Variants in RASGEF1A observed in about 807,000 individuals in gnomAD.
The protein encoded by RASGEF1A is ras-GEF domain-containing family member 1A.
In RASGEF1A, 18 loss-of-function variants were observed where a neutral mutation model predicts 56.4. The observed-to-expected ratio is 0.32, with a 90% confidence interval of 0.22 to 0.47. The LOEUF (loss-of-function observed/expected upper bound fraction) is 0.47. Among genes scored for constraint, RASGEF1A ranks in the 20% least tolerant of loss-of-function variants. The pLI, the probability that RASGEF1A is intolerant of heterozygous loss-of-function variation, is 1.00. For missense variants in RASGEF1A, 422 were observed against 627.1 expected, an observed-to-expected ratio of 0.67 and a Z score of 3.49; for synonymous variants, 245 against 242.6, an observed-to-expected ratio of 1.01 and a Z score of -0.09.
At chr10:43,218,048 C>T (rs983495166) in intron 1 of RASGEF1A, among the ~76,000 whole-genome samples, 2 of 152,334 alleles carry the variant, frequency 1.3e-5, no homozygotes, top group Non-Finnish European at 2.9e-5. Flanking sequence ...GGAGCCGGCA[C>T]CCTCCTCTGT....
At chr10:43,217,318 C>T (rs1243731340) in intron 1 of RASGEF1A, among the ~76,000 whole-genome samples, 1 of 152,204 alleles carries the variant, frequency 6.6e-6, no homozygotes, top group Non-Finnish European at 1.5e-5. Flanking sequence ...ATTTCTCTAA[C>T]ACCCCTGTCC....
At chr10:43,230,942 A>G (rs1840358239) in intron 1 of RASGEF1A, among the ~76,000 whole-genome samples, 1 of 152,192 alleles carries the variant, frequency 6.6e-6, no homozygotes. Flanking sequence ...TGGAGACAGG[A>G]GTCCTTCTCC....
In RASGEF1A at chr10:43,251,978, C is replaced by A. The variant is rs554065217; in HGVS notation, c.-7+14867G>T. Among the ~76,000 whole-genome samples, 4 of 152,340 alleles carry A rather than the reference C, an allele frequency of 2.6e-5. No individual in the cohort carries two copies. The East Asian group carries it at 7.7e-4, about 29-fold the overall frequency. On this transcript the variant is annotated intron_variant, in intron 1 of 12. Coordinates refer to ENST00000395810, the MANE Select transcript of RASGEF1A (RefSeq NM_145313.4). The stretch of plus-strand genomic sequence containing the variant: ...ATGCAGGAGCAGGCAGACAGGGAGG[C>A]CCTGCTGGATGGTAGCGGCACCCTG...
At chr10:43,240,846 A>C (rs1369704339) in intron 1 of RASGEF1A, among the ~76,000 whole-genome samples, 1 of 152,236 alleles carries the variant, frequency 6.6e-6, no homozygotes, top group Non-Finnish European at 1.5e-5. Flanking sequence ...GAAAATATTC[A>C]TCTCCATATC....
chr10:43,209,885 G>C (rs1418323844), intron 1 of RASGEF1A, among the ~76,000 whole-genome samples: 1 of 152,154 alleles, frequency 6.6e-6, no homozygotes, highest in Non-Finnish European at 1.5e-5. Flanking sequence ...ACCTTCTCCT[G>C]AGCCAGAAAC....
At chr10:43,218,160 G>A (rs890086402) in intron 1 of RASGEF1A, among the ~76,000 whole-genome samples, 17 of 152,198 alleles carry the variant, frequency 1.1e-4, no homozygotes, top group African/African-American at 3.9e-4. Flanking sequence ...TGATGGCATC[G>A]GCACTGCAGA....
intron 4 of RASGEF1A, 119 bp downstream of exon 4, chr10:43,201,689 C>T (rs1265217272): frequency 7.0e-6 from 8 of 1,144,014 alleles, no homozygotes; most frequent in Non-Finnish European, 9.3e-6. Context: ...CAGCAACCCT[C>T]CTGGGGGAGT....
chr10:43,262,763 G>C (rs1019247144), intron 1 of RASGEF1A, among the ~76,000 whole-genome samples: 4 of 152,224 alleles, frequency 2.6e-5, no homozygotes, highest in African/African-American at 9.6e-5. Flanking sequence ...TGGCAGGAGG[G>C]AGACCCAGCA....
At chr10:43,243,728 C>T (rs3107332) in intron 1 of RASGEF1A, among the ~76,000 whole-genome samples, 38,327 of 147,634 alleles carry the variant, frequency 0.26, 5,065 homozygotes, top group Non-Finnish European at 0.3. Flanking sequence ...GGGAAGTGGG[C>T]GCCTCTGCCC....
chr10:43,250,645 G>C (rs376879196), intron 1 of RASGEF1A, among the ~76,000 whole-genome samples: 17 of 152,150 alleles, frequency 1.1e-4, no homozygotes, highest in African/African-American at 1.9e-4. Context: ...AAGGGGAAGG[G>C]GGGGGTCAGG....
At chr10:43,206,535 G>A in intron 1 of RASGEF1A, 1 of 986,862 alleles carries the variant, frequency 1.0e-6, no homozygotes, top group Non-Finnish European at 1.2e-6. Flanking sequence ...TAGGCATGAG[G>A]TACAGTGAGT....
intron 1 of RASGEF1A, among the ~76,000 whole-genome samples, chr10:43,212,855 C>T (rs1257563523): frequency 6.6e-6 from 1 of 152,214 alleles, no homozygotes; most frequent in Non-Finnish European, 1.5e-5. Flanking sequence ...CAGCTCCCCC[C>T]ACAACACTCA....
chr10:43,229,512 C>T, intron 1 of RASGEF1A: 1 of 711,196 alleles, frequency 1.4e-6, no homozygotes, highest in Non-Finnish European at 2.1e-6. Context: ...GGGCGGCGCG[C>T]GGGTCCTCAG....
intron 1 of RASGEF1A, chr10:43,209,024 T>C: frequency 1.0e-6 from 1 of 985,548 alleles, no homozygotes. Context: ...CGCTTGTTCT[T>C]GCACCTGCTT....
At chr10:43,255,803 T>C (rs1258470003) in intron 1 of RASGEF1A, among the ~76,000 whole-genome samples, 2 of 152,024 alleles carry the variant, frequency 1.3e-5, no homozygotes, top group Non-Finnish European at 2.9e-5. Flanking sequence ...AGGTGGTGGG[T>C]GTGTGGCCAT....
At chr10:43,253,692 T>C (rs965031964) in intron 1 of RASGEF1A, among the ~76,000 whole-genome samples, 3 of 152,156 alleles carry the variant, frequency 2.0e-5, no homozygotes, top group Admixed American at 6.5e-5. Flanking sequence ...GACGGGGACC[T>C]CAAGGAATGA....
At chr10:43,199,274 G>T in intron 7 of RASGEF1A, 80 bp from the exon 8 acceptor site, 1 of 1,096,894 alleles carries the variant, frequency 9.1e-7, no homozygotes, top group Middle Eastern at 2.5e-4. Context: ...GGAACAGAGG[G>T]GCAGGGAGGA....
chr10:43,244,498 T>A (rs1840548971), intron 1 of RASGEF1A, among the ~76,000 whole-genome samples: 1 of 151,134 alleles, frequency 6.6e-6, no homozygotes, highest in Non-Finnish European at 1.5e-5. Context: ...ACAGAACACA[T>A]ACTCTTCTCA....
intron 1 of RASGEF1A, among the ~76,000 whole-genome samples, chr10:43,227,221 A>T (rs1041565094): frequency 2.0e-5 from 3 of 152,132 alleles, no homozygotes; most frequent in Non-Finnish European, 4.4e-5. Flanking sequence ...CCCTGCACTA[A>T]GTCAATCCTC....
Sources: gnomAD v4.1 joint callset for allele counts (sites outside exome capture counted in the v4.1 genomes callset) on GRCh38, gnomAD v4.1.1 for gene constraint, MANE v1.5 for transcripts, NCBI Gene and HGNC (gene_info 2026-07-23, HGNC 2026-07-21) for gene names.